DOCK9: variants seen among roughly 807,000 people sequenced by gnomAD.
The protein encoded by DOCK9 is dedicator of cytokinesis protein 9.
Under a neutral mutation model 263.3 loss-of-function variants are expected in DOCK9, and 89 were observed. The observed-to-expected ratio is 0.34, with a 90% CI of 0.28 to 0.40. DOCK9 has a LOEUF of 0.40. Ranked by LOEUF, DOCK9 falls within the 10% of genes least tolerant of loss-of-function variation. DOCK9 has a pLI of 1.00. For synonymous variants in DOCK9, 976 were observed against 973.1 expected, an observed-to-expected ratio of 1.00 and a Z score of -0.06; for missense variants, 2,140 against 2,603.4, an observed-to-expected ratio of 0.82 and a Z score of 3.87.
chr13:98,955,324 AAATAAT>A (rs982574002), intron 2 of DOCK9, 105 bp downstream of exon 2: 19 of 739,388 alleles, frequency 2.6e-5, no homozygotes, highest in East Asian at 2.4e-4. Flanking sequence ...GTCTCAAAAA[AAATAAT>A]AATAATAATA....
intron 3 of DOCK9, among the ~76,000 whole-genome samples, chr13:98,927,589 T>C (rs2053186961): frequency 6.6e-6 from 1 of 151,758 alleles, no homozygotes; most frequent in South Asian, 2.1e-4. Context: ...ATATTATAAA[T>C]GCATTTATGA....
chr13:99,042,717 C>T (rs1888579455), intron 1 of DOCK9, among the ~76,000 whole-genome samples: 1 of 152,190 alleles, frequency 6.6e-6, no homozygotes, highest in Non-Finnish European at 1.5e-5. Flanking sequence ...TTACTTTCAA[C>T]TGTGGAACAG....
intron 45 of DOCK9, among the ~76,000 whole-genome samples, chr13:98,823,540 C>T (rs938237180): frequency 6.6e-6 from 1 of 152,174 alleles, no homozygotes; most frequent in African/African-American, 2.4e-5. Context: ...TCTTTCACTC[C>T]ATGGGAGAAA....
intron 45 of DOCK9, among the ~76,000 whole-genome samples, chr13:98,820,088 G>C: frequency 6.6e-6 from 1 of 152,312 alleles, no homozygotes; most frequent in Admixed American, 6.5e-5. Flanking sequence ...CCGCTTCCTA[G>C]GGAAAATGCA....
At chr13:98,886,428 A>AGTGTAAT (rs1318017501) in intron 19 of DOCK9, 104 bp downstream of exon 19, 4 of 758,718 alleles carry the variant, frequency 5.3e-6, no homozygotes, top group Non-Finnish European at 8.6e-6. Flanking sequence ...CTGTAATTTC[A>AGTGTAAT]GTGTAATATG....
chr13:99,058,032 G>C (rs554906722), intron 1 of DOCK9, among the ~76,000 whole-genome samples: 1 of 151,678 alleles, frequency 6.6e-6, no homozygotes, highest in African/African-American at 2.4e-5. Flanking sequence ...GAGGGGGAAG[G>C]GTATTTATAC....
chr13:98,982,522 G>A (rs777525735), upstream of DOCK9, among the ~76,000 whole-genome samples: 1 of 152,116 alleles, frequency 6.6e-6, no homozygotes, highest in African/African-American at 2.4e-5. Flanking sequence ...GTTTGCCCCG[G>A]TAGAAGAACC....
chr13:99,008,204 CTCTCTCTCTA>C (rs869135024), intron 1 of DOCK9, among the ~76,000 whole-genome samples: 86 of 93,174 alleles, frequency 9.2e-4, no homozygotes, highest in East Asian at 3.5e-3. Context: ...CTCTCTCTCT[CTCTCTCTCTA>C]TATATATATA....
intron 10 of DOCK9, among the ~76,000 whole-genome samples, chr13:98,904,051 T>C (rs1404572441): frequency 6.6e-6 from 1 of 152,238 alleles, no homozygotes; most frequent in African/African-American, 2.4e-5. Flanking sequence ...ATGGTGGTAA[T>C]GGTTGTACAA....
intron 1 of DOCK9, among the ~76,000 whole-genome samples, chr13:99,020,509 A>C (rs1443457773): frequency 6.6e-6 from 1 of 152,204 alleles, no homozygotes; most frequent in Non-Finnish European, 1.5e-5. Context: ...TCAGCCATGC[A>C]GCCTGAGACC....
At chr13:99,078,207 C>T (rs1007445765) in intron 1 of DOCK9, among the ~76,000 whole-genome samples, 2 of 152,122 alleles carry the variant, frequency 1.3e-5, no homozygotes, top group Middle Eastern at 3.4e-3. Context: ...GCACAACATG[C>T]GGTAGAAGCG....
chr13:99,008,212 C>CTATATATA (rs1161970142), intron 1 of DOCK9, among the ~76,000 whole-genome samples: 14 of 79,172 alleles, frequency 1.8e-4, no homozygotes, highest in East Asian at 1.4e-3. Flanking sequence ...CTCTCTCTCT[C>CTATATATA]TATATATATA....
intron 1 of DOCK9, among the ~76,000 whole-genome samples, chr13:99,082,992 C>T (rs1189045185): frequency 6.6e-6 from 1 of 152,152 alleles, no homozygotes; most frequent in Non-Finnish European, 1.5e-5. Context: ...TGGTGGTTCA[C>T]GCCTGTAATC....
At chr13:98,945,089 T>C (rs980858272) in intron 2 of DOCK9, among the ~76,000 whole-genome samples, 4 of 152,188 alleles carry the variant, frequency 2.6e-5, no homozygotes, top group Admixed American at 2.0e-4. Context: ...ATCACTTCCT[T>C]TTCCTACAAT....
In DOCK9 at chr13:98,962,510, T is replaced by C. The variant is rs2058742498; in HGVS notation, c.127-6959A>G. ...TTAGGAAAGCCGAGCTGTGCAGTCA[T>C]GTGAGGCTGCTGCTGGACTCAACTG... On this transcript the variant is annotated intron_variant, in intron 1 of 52. Transcript: ENST00000682017. Among the ~76,000 whole-genome samples, 5 of 152,092 alleles carry C rather than the reference T, an allele frequency of 3.3e-5. No homozygotes were observed. The South Asian group carries it at 6.2e-4, about 19-fold the overall frequency.
chr13:98,885,034 G>A lies in DOCK9; in HGVS notation c.2319C>T (p.His773=), dbSNP rs1392895589. The change falls in exon 21 of 53, where the codon CAC becomes CAT. Residue 773 remains histidine (H), a synonymous_variant. Coordinates refer to ENST00000682017, the MANE Select transcript of DOCK9 (RefSeq NM_001366683.2). ...KDGRVVTSEQ[H]IPVSANLPSG... is the part of the protein sequence containing the mutation. ...AAGGAAGGTTCGCCGAGACCGGGAT[G>A]TGCTGCTCGCTTGTCACCACCCTTC... is the stretch of plus-strand genomic sequence containing the variant. 2.5e-6 allele frequency: 4 copies of A among 1,613,720 alleles called. No individual in the cohort carries two copies. Among genetic ancestry groups the A allele is most frequent in the Admixed American group, 1.7e-5 (1 of 59,976 alleles).
rs1195281538 is a variant in DOCK9 at position 98,831,382 on chromosome 13, G to T, written c.4601C>A (p.Thr1534Asn). The T allele has an allele frequency of 3.1e-6, 5 of 1,605,178 alleles. No homozygotes were observed. The highest frequency in any genetic ancestry group is 4.3e-6 in the Non-Finnish European group (5 of 1,175,646). Residue 1534 changes from threonine to asparagine, a missense_variant, in exon 41 of 53, where the codon ACT becomes AAT. By Grantham distance (65) the Thr-to-Asn change is moderately conservative. Around this residue, in one of 2 missense-constraint regions of DOCK9, gnomAD observed 619 missense variants for 861.8 expected, o/e 0.72. Coordinates refer to ENST00000682017, the MANE Select transcript of DOCK9 (RefSeq NM_001366683.2). ...YFLMRNNFDY[T>N]GKKSFVRTHL... is the part of the protein sequence containing the mutation. ...TGTCCGGACAAAGGACTTCTTTCCAGTGTAATCAAAGTTGTTCCTCATCAG... is the reference window on the plus strand; with the variant it reads ...TGTCCGGACAAAGGACTTCTTTCCATTGTAATCAAAGTTGTTCCTCATCAG...
chr13:99,048,318 C>G (rs2040531884), intron 1 of DOCK9, among the ~76,000 whole-genome samples: 1 of 152,208 alleles, frequency 6.6e-6, no homozygotes, highest in Non-Finnish European at 1.5e-5. Flanking sequence ...TGCGTGCACC[C>G]CAGCGGAGCT....
At chr13:98,842,990 G>T (rs2093274609) in intron 38 of DOCK9, among the ~76,000 whole-genome samples, 2 of 152,154 alleles carry the variant, frequency 1.3e-5, no homozygotes, top group African/African-American at 2.4e-5. Context: ...AGTGCGTGTG[G>T]TGCCTTCTTC....
Sources: allele counts gnomAD v4.1 joint callset (sites outside exome capture counted in the v4.1 genomes callset), GRCh38; gene constraint gnomAD v4.1.1; regional missense constraint gnomAD v4.1.1; transcripts MANE v1.5; gene names NCBI Gene and HGNC (gene_info 2026-07-23, HGNC 2026-07-21).